KCNQ1: variants seen among roughly 807,000 people sequenced by gnomAD.
KCNQ1 encodes the protein potassium voltage-gated channel subfamily Q member 1, also known as potassium voltage-gated channel subfamily KQT member 1.
In KCNQ1, 49 loss-of-function variants were observed where a neutral mutation model predicts 72.4. That is an observed-to-expected ratio of 0.68 (90% confidence interval 0.54 to 0.86). The LOEUF (loss-of-function observed/expected upper bound fraction) is 0.86. KCNQ1 is among the 40% of genes least tolerant of loss of function. The probability of loss-of-function intolerance (pLI) is 0.00; values close to 1 mark genes in which losing one functional copy is unlikely to be tolerated. For synonymous variants in KCNQ1, 450 were observed against 412.6 expected, an observed-to-expected ratio of 1.09 and a Z score of -1.10; for missense variants, 790 against 945.1, an observed-to-expected ratio of 0.84 and a Z score of 2.15.
At chr11:2,499,630 C>A (rs574668872) in intron 1 of KCNQ1, among the ~76,000 whole-genome samples, 3 of 151,248 alleles carry the variant, frequency 2.0e-5, no homozygotes, top group African/African-American at 7.3e-5. Flanking sequence ...AAAGATATTC[C>A]GTGCCAATAG....
chr11:2,812,758 A>AGGCCCCACGCCCCCGG (rs1365857878), intron 15 of KCNQ1, among the ~76,000 whole-genome samples: 1 of 152,038 alleles, frequency 6.6e-6, no homozygotes, highest in Non-Finnish European at 1.5e-5. Flanking sequence ...CACGCCCCCG[A>AGGCCCCACGCCCCCGG]GGCCCCACGC....
chr11:2,561,224 G>T (rs1448200837), intron 2 of KCNQ1, among the ~76,000 whole-genome samples: 1 of 150,668 alleles, frequency 6.6e-6, no homozygotes, highest in Non-Finnish European at 1.5e-5. Context: ...AAGAAAAAAA[G>T]AAAAAAAAGG....
At position 2,776,031 on chromosome 11, in the gene KCNQ1, G is replaced by A. The variant is rs533146777; in HGVS notation, c.1662G>A (p.Val554=). The A allele has an allele frequency of 1.3e-6, 2 of 1,568,886 alleles. No homozygotes were observed. The highest frequency in any genetic ancestry group is 1.7e-6 in the Non-Finnish European group (2 of 1,157,076). The part of the protein sequence containing the change: ...QYSQGHLNLM[V]RIKELQRRLD... ...CGCAGGGCCACCTCAACCTCATGGT[G>A]CGCATCAAGGAGCTGCAGAGGAGGT... is the stretch of plus-strand genomic sequence containing the variant. The change falls in exon 13 of 16, where the codon GTG becomes GTA. Residue 554 remains valine (V), a synonymous_variant. Coordinates refer to ENST00000155840, the MANE Select transcript of KCNQ1 (RefSeq NM_000218.3).
chr11:2,814,280 GGGATGGATGGATGGATGGAT>G (rs375570048), intron 15 of KCNQ1, among the ~76,000 whole-genome samples: 1 of 138,236 alleles, frequency 7.2e-6, no homozygotes, highest in Non-Finnish European at 1.5e-5. Flanking sequence ...GATGGATGGT[GGGATGGATGGATGGATGGAT>G]GGATAGATGG....
chr11:2,655,373 G>GACCTA (rs1480271749), intron 10 of KCNQ1: 4 of 398,556 alleles, frequency 1.0e-5, no homozygotes, highest in African/African-American at 2.1e-5. Context: ...ACTGTCTTAG[G>GACCTA]AAAGTGTGAC....
Position 2,494,226 on chromosome 11 carries a change from A to G in KCNQ1, c.387-33702A>G, listed in dbSNP as rs1039020529. 2.0e-5 allele frequency among the ~76,000 whole-genome samples: 3 copies of G among 152,222 alleles called. No homozygotes were observed. Among genetic ancestry groups the G allele is most frequent in the Non-Finnish European group, 4.4e-5 (3 of 68,044 alleles). ...TCCCAAGACTTTGCTGAAGTTGGCT[A>G]TCAGCTTAAGGAGTTTTTGGGCTGA... On this transcript the variant is annotated intron_variant, in intron 1 of 15. Transcript: ENST00000155840. This position sits in a 1 kb window ranked among gnomAD's most constrained non-coding sequence, Gnocchi z 4.6.
chr11:2,700,008 G>C (rs1000215946), intron 11 of KCNQ1: 6 of 398,138 alleles, frequency 1.5e-5, no homozygotes, highest in Non-Finnish European at 2.2e-5. Flanking sequence ...TGGAGACTGC[G>C]GCAGCGCTCC....
rs558595162 is a variant in KCNQ1, at chr11:2,585,313, G to A, written c.1128+6G>A. On this transcript the variant is annotated splice_donor_region_variant and intron_variant, in intron 8 of 15. Coordinates refer to ENST00000155840, the MANE Select transcript of KCNQ1 (RefSeq NM_000218.3). ...CGGCAGCCTCACTCATTCAGGTGCG[G>A]TGCCTGCAAGGCCCTGGTCACTGTC... 1.9e-6 allele frequency: 3 copies of A among 1,611,580 alleles called. No individual in the cohort carries two copies. The highest frequency in any genetic ancestry group is 4.5e-5 in the East Asian group (2 of 44,874).
rs778153616 is a variant in KCNQ1, at chr11:2,572,823, A to G, written c.781-23A>G. On this transcript the variant is annotated intron_variant, in intron 5 of 15. Transcript: ENST00000155840. The stretch of plus-strand genomic sequence containing the variant: ...CCCAGCCTGCGGTTCCTGGAGCCCG[A>G]CACTGTGTGTTTTCTGGCCTAGGAG... The G allele has an allele frequency of 7.1e-5, 114 of 1,613,352 alleles. No individual in the cohort carries two copies. In the Admixed American group the frequency reaches 1.9e-3, roughly 26 times the overall value.
At chr11:2,792,948 C>T (rs1430358098) in intron 15 of KCNQ1, among the ~76,000 whole-genome samples, 1 of 143,062 alleles carries the variant, frequency 7.0e-6, no homozygotes, top group African/African-American at 2.5e-5. Flanking sequence ...CCCCTCTCTT[C>T]CCCGCCCCCC....
chr11:2,616,212 T>A (rs1849061295), intron 10 of KCNQ1: 1 of 397,498 alleles, frequency 2.5e-6, no homozygotes, highest in East Asian at 3.6e-5. Context: ...TTGTTTTTTT[T>A]TCTTATTTTT....
intron 1 of KCNQ1, among the ~76,000 whole-genome samples, chr11:2,500,070 A>C (rs7106498): frequency 0.55 from 82,873 of 151,904 alleles, 23,668 homozygotes; most frequent in Non-Finnish European, 0.64. Flanking sequence ...CTCCTGAATG[A>C]CCAGAGGGTC....
Position 2,651,532 on chromosome 11 carries a change from G to T in KCNQ1, c.1394-10429G>T. 2.5e-6 allele frequency: 1 copy of T among 398,642 alleles called. No homozygotes were observed. Among genetic ancestry groups the T allele is most frequent in the Non-Finnish European group, 4.4e-6 (1 of 226,080 alleles). 24.7% of individuals were successfully genotyped at this position (398,642 alleles called of 1,614,324 possible). A position where few individuals can be genotyped will look rare whatever the true frequency, so the allele number is the denominator to read the frequency against. ...GAACGTGAATGCTAAGGGCATATGA[G>T]TGTGTCCCTGAGAACATGGATATTG... On this transcript the variant is annotated intron_variant, in intron 10 of 15. Transcript: ENST00000155840. The surrounding 1 kb of genome is among the most constrained non-coding windows in gnomAD (Gnocchi z 6.1).
At position 2,679,896 on chromosome 11, in the gene KCNQ1, T is replaced by TA. The variant is rs1216478067; in HGVS notation, c.1514+17816dup. The TA allele has an allele frequency of 1.0e-5, 4 of 397,944 alleles. No individual in the cohort carries two copies. Among genetic ancestry groups the TA allele is most frequent in the Non-Finnish European group, 1.8e-5 (4 of 226,030 alleles). 24.7% of individuals were successfully genotyped at this position (397,944 alleles called of 1,614,324 possible). ...GAACTAGCACGCCTAATTTTTTTTT[T>TA]ATTTTTATTTTTTTTGAGGCAGAGT... On this transcript the variant is annotated intron_variant, in intron 11 of 15. Transcript: ENST00000155840. The surrounding 1 kb of genome is among the most constrained non-coding windows in gnomAD (Gnocchi z 4.8).
chr11:2,731,272 C>T (rs935852011), intron 11 of KCNQ1, among the ~76,000 whole-genome samples: 1 of 152,232 alleles, frequency 6.6e-6, no homozygotes, highest in African/African-American at 2.4e-5. Flanking sequence ...AGGCGGAATC[C>T]AAGGGGCCTC....
intron 15 of KCNQ1, among the ~76,000 whole-genome samples, chr11:2,835,394 GACTC>G (rs772410690): frequency 1.3e-4 from 16 of 124,994 alleles, no homozygotes; most frequent in African/African-American, 3.3e-4. Flanking sequence ...TATAAACCCT[GACTC>G]ACACACACAC....
chr11:2,695,719 T>C lies in KCNQ1; in HGVS notation c.1514+33638T>C. 1 of 398,674 alleles carries C rather than the reference T, an allele frequency of 2.5e-6. No individual in the cohort carries two copies. The highest frequency in any genetic ancestry group is 4.4e-6 in the Non-Finnish European group (1 of 226,074). 24.7% of individuals were successfully genotyped at this position (398,674 alleles called of 1,614,324 possible). On this transcript the variant is annotated intron_variant, in intron 11 of 15. Coordinates refer to ENST00000155840, the MANE Select transcript of KCNQ1 (RefSeq NM_000218.3). This position sits in a 1 kb window ranked among gnomAD's most constrained non-coding sequence, Gnocchi z 5.2. ...GTCTGTGCCTGTCTCCGTCCCCACC[T>C]GCAGCACACAGGGAGGCTTGTTCCT...
chr11:2,708,513 C>A (rs537008365), intron 11 of KCNQ1, among the ~76,000 whole-genome samples: 13 of 152,304 alleles, frequency 8.5e-5, no homozygotes, highest in Admixed American at 2.6e-4. Context: ...CCTGGTGGGC[C>A]AGGCAGGCAG....
At chr11:2,732,132 A>C (rs2283218) in intron 11 of KCNQ1, among the ~76,000 whole-genome samples, 1 of 151,582 alleles carries the variant, frequency 6.6e-6, no homozygotes, top group South Asian at 2.1e-4. Flanking sequence ...GCCTCTGTCG[A>C]CTCCATTTGC....
Sources: gnomAD v4.1 joint callset for allele counts (sites outside exome capture counted in the v4.1 genomes callset) on GRCh38, gnomAD v4.1.1 for gene constraint, Gnocchi (gnomAD v3.1) non-coding constraint, MANE v1.5 for transcripts, NCBI Gene and HGNC (gene_info 2026-07-23, HGNC 2026-07-21) for gene names.